The following NSD3 variants were observed in gnomAD, a reference collection of about 807,000 sequenced individuals.
The protein encoded by NSD3 is nuclear receptor binding SET domain protein 3, also known as histone-lysine N-methyltransferase NSD3.
Under a neutral mutation model 160.8 loss-of-function variants are expected in NSD3, and 24 were observed. The observed-to-expected ratio is 0.15, with a 90% CI of 0.11 to 0.21. The LOEUF (loss-of-function observed/expected upper bound fraction) is 0.21, where lower values mean the gene tolerates loss of function less well. NSD3 is among the 10% of genes least tolerant of loss of function. NSD3 has a pLI of 1.00. For synonymous variants in NSD3, 520 were observed against 600.0 expected, an observed-to-expected ratio of 0.87 and a Z score of 1.95; for missense variants, 1,157 against 1,735.9, an observed-to-expected ratio of 0.67 and a Z score of 5.93.
At chr8:38,374,356 C>T (rs2932005) in intron 1 of NSD3, among the ~76,000 whole-genome samples, 62,836 of 151,834 alleles carry the variant, frequency 0.41, 14,008 homozygotes, top group East Asian at 0.62. Flanking sequence ...AAAAAGCACA[C>T]CTATGTAGAA....
Position 38,316,130 on chromosome 8 carries a change from C to A in NSD3, c.1856-88G>T. On this transcript the variant is annotated intron_variant, in intron 9 of 23. Transcript: ENST00000317025. This position sits in a 1 kb window ranked among gnomAD's most constrained non-coding sequence, Gnocchi z 4.5. Reference sequence around the variant, plus strand: ...TGTGTGGGAGAATATTTTCTTTTCTCAAACTCATCTTTAGTGTGGAAAAAG... The same window carrying A: ...TGTGTGGGAGAATATTTTCTTTTCTAAAACTCATCTTTAGTGTGGAAAAAG... 1 of 1,533,416 alleles carries A rather than the reference C, an allele frequency of 6.5e-7. No individual in the cohort carries two copies. The highest frequency in any genetic ancestry group is 1.2e-5 in the South Asian group (1 of 80,928). The allele number at this position is 1,533,416 out of a possible 1,614,324, so 95.0% of individuals were successfully genotyped here. A position where few individuals can be genotyped will look rare whatever the true frequency, so the allele number is the denominator to read the frequency against.
chr8:38,349,686 TA>T (rs1407686389), intron 1 of NSD3, among the ~76,000 whole-genome samples: 2 of 123,844 alleles, frequency 1.6e-5, no homozygotes, highest in African/African-American at 6.0e-5. Flanking sequence ...TATATATATA[TA>T]TATATGTATT....
chr8:38,291,818 A>G (rs1809002806), intron 16 of NSD3, among the ~76,000 whole-genome samples: 1 of 152,222 alleles, frequency 6.6e-6, no homozygotes, highest in South Asian at 2.1e-4. Flanking sequence ...ATTTTCCCCC[A>G]AGAAGCAACA....
intron 4 of NSD3, among the ~76,000 whole-genome samples, chr8:38,333,882 GA>G (rs368105864): frequency 7.3e-4 from 108 of 147,114 alleles, no homozygotes; most frequent in African/African-American, 2.0e-3. Context: ...TCAAAAAAAA[GA>G]AAAAAAAAAT....
chr8:38,297,780 G>A (rs1809188838), intron 15 of NSD3, among the ~76,000 whole-genome samples: 1 of 152,022 alleles, frequency 6.6e-6, no homozygotes, highest in Non-Finnish European at 1.5e-5. Flanking sequence ...CACTTAGGGA[G>A]GGAATTTGTC....
chr8:38,296,656 TTCTC>T (rs377428661), intron 15 of NSD3, among the ~76,000 whole-genome samples: 1 of 142,434 alleles, frequency 7.0e-6, no homozygotes, highest in Non-Finnish European at 1.5e-5. Context: ...AAACCTCTCT[TTCTC>T]TCTCTCTCTC....
At chr8:38,296,674 CTGTGTGTG>C (rs57485296) in intron 15 of NSD3, among the ~76,000 whole-genome samples, 26,813 of 142,166 alleles carry the variant, frequency 0.19, 2,570 homozygotes, top group Admixed American at 0.25. Flanking sequence ...CTCTCTCCCT[CTGTGTGTG>C]TGTGTGTGTG....
chr8:38,337,329 C>T lies in NSD3; in HGVS notation c.886G>A (p.Val296Ile), dbSNP rs1810246679. 3.1e-6 allele frequency: 5 copies of T among 1,607,406 alleles called. No homozygotes were observed. Among genetic ancestry groups the T allele is most frequent in the South Asian group, 1.1e-5 (1 of 89,378 alleles). The change falls in exon 4 of 24, where the codon GTT becomes ATT. Residue 296 changes from valine to isoleucine, a missense_variant. Val to Ile is a conservative substitution (Grantham distance 29). Transcript: ENST00000317025. ...CMVSSDPQLEVHTKINTRGAR... is the reference protein window; with the variant it reads ...CMVSSDPQLEIHTKINTRGAR... ...CCTCTTGTGTTAATTTTAGTATGAA[C>T]CTCAAGCTGGGGATCACTTGAAACC...
chr8:38,295,897 T>C lies in NSD3; in HGVS notation c.2814A>G (p.Leu938=). The C allele has an allele frequency of 1.2e-6, 2 of 1,614,034 alleles. No individual in the cohort carries two copies. The highest frequency in any genetic ancestry group is 1.7e-6 in the Non-Finnish European group (2 of 1,179,988). The change falls in exon 16 of 24, where the codon CTA becomes CTG. Residue 938 remains leucine, a synonymous_variant. Coordinates refer to ENST00000317025, the MANE Select transcript of NSD3 (RefSeq NM_023034.2). ...SCPASFHPEC[L]SIEMPEGCWN... ...AGCAGCCTTCTGGCATTTCTATGCT[T>C]AGGCATTCCGGGTGGAAGGAAGCTG...
At chr8:38,328,750 A>G (rs1809974666) in intron 6 of NSD3, among the ~76,000 whole-genome samples, 1 of 152,222 alleles carries the variant, frequency 6.6e-6, no homozygotes, top group East Asian at 1.9e-4. Context: ...AAGAGTTTTA[A>G]AGTCTTCAAG....
At chr8:38,302,013 C>T (rs993861724) in intron 14 of NSD3, among the ~76,000 whole-genome samples, 3 of 152,184 alleles carry the variant, frequency 2.0e-5, no homozygotes, top group Non-Finnish European at 4.4e-5. Context: ...GAAAAATGTC[C>T]GCACACTTCT....
intron 1 of NSD3, among the ~76,000 whole-genome samples, chr8:38,380,328 C>G (rs1811504914): frequency 6.6e-6 from 1 of 152,214 alleles, no homozygotes; most frequent in Non-Finnish European, 1.5e-5. Flanking sequence ...AGCCGATAAT[C>G]TACCACAAGC....
intron 20 of NSD3, among the ~76,000 whole-genome samples, chr8:38,281,147 C>G (rs1200002135): frequency 1.3e-5 from 2 of 152,142 alleles, no homozygotes; most frequent in African/African-American, 4.8e-5. Flanking sequence ...AGAGTTGATT[C>G]TCTCCTTCAG....
Position 38,321,299 on chromosome 8 carries a change from T to C in NSD3, c.1709-127A>G, listed in dbSNP as rs1317672909. ...CTTTTGGAATTTTAATTAAAATCAT[T>C]AAAAAATGCTAAACATTCAGGAGCA... On this transcript the variant is annotated intron_variant, in intron 7 of 23. Coordinates refer to ENST00000317025, the MANE Select transcript of NSD3 (RefSeq NM_023034.2). This position sits in a 1 kb window ranked among gnomAD's most constrained non-coding sequence, Gnocchi z 4.7. 3.0e-6 allele frequency: 2 copies of C among 657,894 alleles called. No homozygotes were observed. The highest frequency in any genetic ancestry group is 2.3e-5 in the South Asian group (1 of 43,398). The allele number at this position is 657,894 out of a possible 1,614,324, so 40.8% of individuals were successfully genotyped here. A position where few individuals can be genotyped will look rare whatever the true frequency, so the allele number is the denominator to read the frequency against.
intron 1 of NSD3, among the ~76,000 whole-genome samples, chr8:38,378,574 G>A (rs1481370414): frequency 1.3e-5 from 2 of 152,104 alleles, no homozygotes; most frequent in Admixed American, 6.5e-5. Flanking sequence ...CCCGAGAGGC[G>A]GAGCTTGCAG....
At chr8:38,310,675 C>CTT (rs919146524) in intron 12 of NSD3, among the ~76,000 whole-genome samples, 1 of 138,164 alleles carries the variant, frequency 7.2e-6, no homozygotes, top group Non-Finnish European at 1.6e-5. Context: ...GCCAGGCTAA[C>CTT]TTTTTTTTTT....
In NSD3 at chr8:38,329,553, G is replaced by C. The variant is rs867949816; in HGVS notation, c.1406C>G (p.Ala469Gly). The C allele has an allele frequency of 6.2e-7, 1 of 1,614,082 alleles. No homozygotes were observed. The highest frequency in any genetic ancestry group is 1.7e-5 in the Admixed American group (1 of 60,004). ...TTTCCTTGCTGCCGCAGTTTTCCAG[G>C]CTATTTTAACAGGCGGTGGCTCTTC... Reference protein sequence around the residue: ...EEEEPPPVKIAWKTAAARKSL... With the variant: ...EEEEPPPVKIGWKTAAARKSL... The change falls in exon 6 of 24, where the codon GCC becomes GGC. Residue 469 changes from alanine (A) to glycine (G), a missense_variant. This residue lies in a region of NSD3 where 168 missense variants were observed against 208.1 expected (regional missense o/e 0.81). Transcript: ENST00000317025. The surrounding 1 kb of genome is among the most constrained non-coding windows in gnomAD (Gnocchi z 4.8).
At chr8:38,324,205 G>C (rs1809854676) in intron 7 of NSD3, among the ~76,000 whole-genome samples, 1 of 152,120 alleles carries the variant, frequency 6.6e-6, no homozygotes, top group African/African-American at 2.4e-5. Flanking sequence ...GATACAAGTT[G>C]CAAATGTAGT....
rs1187173107 is a variant in NSD3 at position 38,351,247 on chromosome 8, G to A, written c.-44-3032C>T. 2.0e-5 allele frequency among the ~76,000 whole-genome samples: 3 copies of A among 151,332 alleles called. No homozygotes were observed. The South Asian group carries it at 6.3e-4, about 32-fold the overall frequency. On this transcript the variant is annotated intron_variant, in intron 1 of 23. Coordinates refer to ENST00000317025, the MANE Select transcript of NSD3 (RefSeq NM_023034.2). ...CCGCCTCAGCCTGCCAAAGTGCTGGGATTACAGGTGTGAGCCACCATGCCT... is the reference window on the plus strand; with the variant it reads ...CCGCCTCAGCCTGCCAAAGTGCTGGAATTACAGGTGTGAGCCACCATGCCT...
Sources: gnomAD v4.1 joint callset for allele counts (sites outside exome capture counted in the v4.1 genomes callset) on GRCh38, gnomAD v4.1.1 for gene constraint, gnomAD v4.1.1 regional missense constraint, Gnocchi (gnomAD v3.1) non-coding constraint, MANE v1.5 for transcripts, NCBI Gene and HGNC (gene_info 2026-07-23, HGNC 2026-07-21) for gene names.